LAMB4: variants seen among roughly 807,000 people sequenced by gnomAD.
The protein encoded by LAMB4 is laminin subunit beta 4.
Under a neutral mutation model 199.2 loss-of-function variants are expected in LAMB4, and 196 were observed. The observed-to-expected ratio is 0.98, with a 90% CI of 0.88 to 1.11. The LOEUF (loss-of-function observed/expected upper bound fraction) is 1.11, where lower values mean the gene tolerates loss of function less well. LAMB4 is among the 50% of genes least tolerant of loss of function. The pLI, the probability that LAMB4 is intolerant of heterozygous loss-of-function variation, is 0.00. For missense variants in LAMB4, 2,080 were observed against 2,171.2 expected (o/e 0.96, Z 0.83); for synonymous variants, 744 against 770.6 (o/e 0.97, Z 0.57).
chr7:108,093,913 A>G (rs2037502240), intron 12 of LAMB4, among the ~76,000 whole-genome samples: 1 of 152,214 alleles, frequency 6.6e-6, no homozygotes, highest in Non-Finnish European at 1.5e-5. Flanking sequence ...TCCCCAAACC[A>G]AAACTTCAGT....
chr7:108,111,846 G>T lies in LAMB4; in HGVS notation c.293C>A (p.Pro98Gln), dbSNP rs1313508659. The change falls in exon 4 of 34, where the codon CCA becomes CAA. Residue 98 changes from proline to glutamine, a missense_variant. Transcript: ENST00000388781. ...TIENVIVSFE[P>Q]DREKKWWQSE... is the part of the protein sequence containing the mutation. ...TTGCCACCATTTCTTTTCTCTGTCTGGTTCAAAACTTACAATGACATTCTC... is the reference window on the plus strand; with the variant it reads ...TTGCCACCATTTCTTTTCTCTGTCTTGTTCAAAACTTACAATGACATTCTC... 2 of 1,612,040 alleles carry T rather than the reference G, an allele frequency of 1.2e-6. No homozygotes were observed. Among genetic ancestry groups the T allele is most frequent in the Non-Finnish European group, 1.7e-6 (2 of 1,179,168 alleles).
chr7:108,062,782 A>G lies in LAMB4; in HGVS notation c.3274T>C (p.Cys1092Arg). Residue 1092 changes from cysteine (C) to arginine (R), a missense_variant, in exon 23 of 34, where the codon TGT becomes CGT. Transcript: ENST00000388781. ...CDPRTSQSSHCDQLTGQCPCK... is the reference protein window; with the variant it reads ...CDPRTSQSSHRDQLTGQCPCK... The stretch of plus-strand genomic sequence containing the variant: ...GCTTTAAAGTATCTTGCCTGGTCAC[A>G]GTGGCTACTTTGAGAGGTCCTAGGG... 1 of 1,432,134 alleles carries G rather than the reference A, an allele frequency of 7.0e-7. No individual in the cohort carries two copies. The highest frequency in any genetic ancestry group is 9.2e-7 in the Non-Finnish European group (1 of 1,086,560). The allele number at this position is 1,432,134 out of a possible 1,614,324, so 88.7% of individuals were successfully genotyped here. A position where few individuals can be genotyped will look rare whatever the true frequency, so the allele number is the denominator to read the frequency against.
At chr7:108,011,908 G>A in the LAMB4 span, among the ~76,000 whole-genome samples, 1 of 151,288 alleles carries the variant, frequency 6.6e-6, no homozygotes, top group Non-Finnish European at 1.5e-5. Context: ...TATGAATAAA[G>A]TTCTAGAAGG....
chr7:108,021,255 C>T (rs372067581), downstream of LAMB4, among the ~76,000 whole-genome samples: 14 of 152,154 alleles, frequency 9.2e-5, no homozygotes, highest in African/African-American at 2.7e-4. Context: ...AGCTGAAGTG[C>T]GGAAGAAGTG....
intron 1 of LAMB4, among the ~76,000 whole-genome samples, chr7:108,129,509 G>A (rs2038907658): frequency 1.3e-5 from 2 of 151,794 alleles, no homozygotes; most frequent in African/African-American, 4.8e-5. Flanking sequence ...ATCATAGTGA[G>A]GAATGCAGAA....
chr7:108,020,037 C>T (rs1175705051), downstream of LAMB4, among the ~76,000 whole-genome samples: 1 of 152,100 alleles, frequency 6.6e-6, no homozygotes, highest in Non-Finnish European at 1.5e-5. Flanking sequence ...TCTACCTGGC[C>T]TCTGGGGTTC....
At chr7:108,125,515 G>A (rs1319927034) in intron 1 of LAMB4, among the ~76,000 whole-genome samples, 1 of 152,178 alleles carries the variant, frequency 6.6e-6, no homozygotes, top group Non-Finnish European at 1.5e-5. Context: ...AATAGCCTAC[G>A]ATTCATGGCT....
chr7:108,014,719 GT>G, the LAMB4 span, among the ~76,000 whole-genome samples: 31,547 of 142,480 alleles, frequency 0.22, 5,331 homozygotes, highest in African/African-American at 0.5. Flanking sequence ...ACTGGTTGTT[GT>G]TTTTTTTTTT....
chr7:108,100,771 TA>T (rs1286112217), intron 10 of LAMB4, among the ~76,000 whole-genome samples: 1 of 152,222 alleles, frequency 6.6e-6, no homozygotes, highest in East Asian at 1.9e-4. Context: ...TACATAGTTT[TA>T]AAACAATAAA....
chr7:108,106,758 G>C (rs559182324), intron 6 of LAMB4, among the ~76,000 whole-genome samples, 186 bp from the exon 7 acceptor site: 2 of 152,050 alleles, frequency 1.3e-5, no homozygotes, highest in South Asian at 4.2e-4. Flanking sequence ...TAGAGGTGGG[G>C]TTCTCCCTAT....
intron 23 of LAMB4, among the ~76,000 whole-genome samples, chr7:108,060,822 A>G (rs751586870): frequency 2.0e-5 from 3 of 152,256 alleles, no homozygotes; most frequent in Non-Finnish European, 2.9e-5. Flanking sequence ...AAGAATTCCA[A>G]TGATTTGTGG....
At chr7:108,096,334 T>C (rs551110633) in intron 11 of LAMB4, among the ~76,000 whole-genome samples, 1 of 152,222 alleles carries the variant, frequency 6.6e-6, no homozygotes, top group African/African-American at 2.4e-5. Flanking sequence ...TGTGTCAGAA[T>C]TTTTTTCCTT....
intron 24 of LAMB4, 103 bp downstream of exon 24, chr7:108,057,729 A>C (rs1366400757): frequency 2.3e-5 from 16 of 699,822 alleles, no homozygotes; most frequent in Non-Finnish European, 3.8e-5. Context: ...CACCTTATTA[A>C]AAGCACCAAA....
At chr7:108,079,439 T>C (rs1304356661) in intron 15 of LAMB4, among the ~76,000 whole-genome samples, 162 bp downstream of exon 15, 2 of 152,220 alleles carry the variant, frequency 1.3e-5, no homozygotes, top group African/African-American at 4.8e-5. Context: ...ACTGCGCTGC[T>C]TCAATATCTT....
chr7:108,037,008 G>T (rs575335714), intron 30 of LAMB4, among the ~76,000 whole-genome samples: 4 of 152,022 alleles, frequency 2.6e-5, no homozygotes, highest in Admixed American at 2.0e-4. Flanking sequence ...TCAAAGTACT[G>T]CTTAGTGTAG....
chr7:108,069,479 G>C (rs1326172574), intron 18 of LAMB4, among the ~76,000 whole-genome samples: 1 of 152,176 alleles, frequency 6.6e-6, no homozygotes, highest in African/African-American at 2.4e-5. Flanking sequence ...TAGGATCATT[G>C]TTCCAGCCAT....
chr7:108,103,230 A>T lies in LAMB4; in HGVS notation c.994T>A (p.Cys332Ser), dbSNP rs1199406084. The change falls in exon 10 of 34, where the codon TGC becomes AGC. Residue 332 changes from cysteine (C) to serine (S), a missense_variant and splice_region_variant. Transcript: ENST00000388781. ...ADLQDNACRS[C>S]SCNSHSSRCH... ...CGGCTGGAGTGGCTATTACAGCTGC[A>T]CGCTGAAAGGAGAAGACAGTGACTG... is the stretch of plus-strand genomic sequence containing the variant. The T allele has an allele frequency of 2.6e-6, 4 of 1,551,800 alleles. No homozygotes were observed. The highest frequency in any genetic ancestry group is 3.5e-6 in the Non-Finnish European group (4 of 1,146,820).
chr7:108,111,879 T>A lies in LAMB4; in HGVS notation c.260A>T (p.His87Leu). The change falls in exon 4 of 34, where the codon CAC becomes CTC. Residue 87 changes from histidine (H) to leucine (L), a missense_variant. Coordinates refer to ENST00000388781, the MANE Select transcript of LAMB4 (RefSeq NM_007356.3). ...ACTTACAATGACATTCTCAATGGTG[T>A]GGCTGTTGGGTTGGTCATACGGATC... Reference protein sequence around the residue: ...PYDPYDQPNSHTIENVIVSFE... With the variant: ...PYDPYDQPNSLTIENVIVSFE... 1.2e-6 allele frequency: 2 copies of A among 1,612,480 alleles called. No homozygotes were observed. The highest frequency in any genetic ancestry group is 2.2e-5 in the South Asian group (2 of 90,728).
rs142627472 is a variant in LAMB4, at chr7:108,025,388, CT to C, written c.5147-1211del. ...ATTCTTTCTTTCTTTCTTTTCTTTT[CT>C]TTTCTTTCTTTCTTTCTTTCTTTCT... On this transcript the variant is annotated intron_variant, in intron 33 of 33. Transcript: ENST00000388781. 8.2e-4 allele frequency among the ~76,000 whole-genome samples: 79 copies of C among 96,650 alleles called. 2 individuals carry two copies. Among genetic ancestry groups the C allele is most frequent in the African/African-American group, 6.3e-3 (48 of 7,580 alleles). 63.4% of individuals were successfully genotyped at this position (96,650 alleles called of 152,430 possible). A position where few individuals can be genotyped will look rare whatever the true frequency, so the allele number is the denominator to read the frequency against.
Sources: allele counts gnomAD v4.1 joint callset (sites outside exome capture counted in the v4.1 genomes callset), GRCh38; gene constraint gnomAD v4.1.1; transcripts MANE v1.5; gene names NCBI Gene and HGNC (gene_info 2026-07-23, HGNC 2026-07-21).